THSD7B: variants seen among roughly 807,000 people sequenced by gnomAD.
THSD7B encodes thrombospondin type-1 domain-containing protein 7B.
THSD7B carries 138 observed loss-of-function variants against 213.6 expected under a neutral mutation model. That is an observed-to-expected ratio of 0.65 (90% CI 0.56 to 0.74). The LOEUF is 0.74. Among genes scored for constraint, THSD7B ranks in the 30% least tolerant of loss-of-function variants. The pLI, the probability that THSD7B is intolerant of heterozygous loss-of-function variation, is 0.00. For missense variants in THSD7B, 1,931 were observed against 1,991.5 expected (o/e 0.97, Z 0.58); for synonymous variants, 742 against 687.0 (o/e 1.08, Z -1.25).
At chr2:137,617,006 G>A (rs1167974565) in intron 18 of THSD7B, among the ~76,000 whole-genome samples, 2 of 151,492 alleles carry the variant, frequency 1.3e-5, no homozygotes, top group East Asian at 3.9e-4. Context: ...TGCCTGCAGA[G>A]GCAAAGCAAT....
chr2:137,373,093 A>G (rs1685568749), intron 12 of THSD7B, among the ~76,000 whole-genome samples: 1 of 151,850 alleles, frequency 6.6e-6, no homozygotes, highest in African/African-American at 2.4e-5. Flanking sequence ...AATCCAGTCT[A>G]TCATTGTTGG....
chr2:137,215,254 C>A (rs1681209596), intron 7 of THSD7B, among the ~76,000 whole-genome samples: 1 of 152,148 alleles, frequency 6.6e-6, no homozygotes, highest in Non-Finnish European at 1.5e-5. Context: ...TGTTCATATC[C>A]TTTGCCTACT....
intron 17 of THSD7B, among the ~76,000 whole-genome samples, chr2:137,589,533 T>C (rs1681819056): frequency 6.6e-6 from 1 of 152,222 alleles, no homozygotes; most frequent in Non-Finnish European, 1.5e-5. Context: ...TATTTTAAAT[T>C]ACACTGTTTA....
At chr2:136,928,065 G>T (rs779925113) in intron 2 of THSD7B, among the ~76,000 whole-genome samples, 1 of 152,064 alleles carries the variant, frequency 6.6e-6, no homozygotes, top group Non-Finnish European at 1.5e-5. Context: ...GATGCTCCTT[G>T]ACTTACAATG....
In THSD7B at chr2:137,588,760, CTTTATTTATTTATTTA is replaced by C. The variant is rs137892635; in HGVS notation, c.3423+16228_3423+16243del. Among the ~76,000 whole-genome samples, 96 of 147,076 alleles carry C rather than the reference CTTTATTTATTTATTTA, an allele frequency of 6.5e-4. 1 individual carries two copies. Among genetic ancestry groups the C allele is most frequent in the African/African-American group, 1.7e-3 (67 of 40,168 alleles). On this transcript the variant is annotated intron_variant, in intron 17 of 27. Transcript: ENST00000409968. ...TATTGGTATGTTGACTCATGTTGTC[CTTTATTTATTTATTTA>C]TTTATTTATTTATTTATTTATTTTT... is the stretch of plus-strand genomic sequence containing the variant.
chr2:136,775,455 T>C (rs1681582863), intron 1 of THSD7B, among the ~76,000 whole-genome samples: 1 of 152,146 alleles, frequency 6.6e-6, no homozygotes, highest in African/African-American at 2.4e-5. Context: ...GAGTAAAGGA[T>C]GTGGACATCT....
At chr2:137,109,363 T>G (rs1352566494) in intron 4 of THSD7B, among the ~76,000 whole-genome samples, 2 of 152,224 alleles carry the variant, frequency 1.3e-5, no homozygotes, top group Non-Finnish European at 2.9e-5. Context: ...ACCAGTTTTG[T>G]GGAAGATAAT....
At chr2:137,598,416 G>A (rs1239824833) in intron 17 of THSD7B, among the ~76,000 whole-genome samples, 1 of 152,122 alleles carries the variant, frequency 6.6e-6, no homozygotes, top group Non-Finnish European at 1.5e-5. Context: ...CAGCATTTAG[G>A]ACCCAGTGTA....
chr2:137,256,982 C>T (rs1682325759), intron 10 of THSD7B, among the ~76,000 whole-genome samples: 1 of 152,150 alleles, frequency 6.6e-6, no homozygotes, highest in South Asian at 2.1e-4. Context: ...GGGGAGTCTA[C>T]AGAGTCCCAA....
intron 1 of THSD7B, among the ~76,000 whole-genome samples, chr2:136,771,527 C>T (rs1681503789): frequency 6.6e-6 from 1 of 152,128 alleles, no homozygotes. Flanking sequence ...CCACAAGACT[C>T]ACACTTATTT....
intron 12 of THSD7B, among the ~76,000 whole-genome samples, chr2:137,333,082 A>G (rs1684551341): frequency 6.6e-6 from 1 of 152,160 alleles, no homozygotes; most frequent in South Asian, 2.1e-4. Flanking sequence ...TAAGTTGCCC[A>G]GAGAAATTTT....
intron 17 of THSD7B, among the ~76,000 whole-genome samples, chr2:137,610,734 T>C (rs956340295): frequency 6.6e-6 from 1 of 152,120 alleles, no homozygotes; most frequent in Non-Finnish European, 1.5e-5. Context: ...AATTAATTTG[T>C]CTGACAAGTT....
At chr2:136,919,982 A>G (rs1396366315) in intron 2 of THSD7B, among the ~76,000 whole-genome samples, 1 of 152,218 alleles carries the variant, frequency 6.6e-6, no homozygotes, top group Non-Finnish European at 1.5e-5. Context: ...AGATGTCAGG[A>G]TTGCAGAGCC....
chr2:137,488,899 G>A (rs1373224494), intron 15 of THSD7B, among the ~76,000 whole-genome samples: 1 of 152,168 alleles, frequency 6.6e-6, no homozygotes, highest in Non-Finnish European at 1.5e-5. Context: ...AAATCTATAA[G>A]TAGCATGAAG....
At position 136,931,776 on chromosome 2, in the gene THSD7B, A is replaced by T. The variant is rs1252277761; in HGVS notation, c.139+49459A>T. ...GAAAAAAGTAGACTGTATTGTGCAA[A>T]CCAAGAGGCAGTAAAAGTAAACCAG... On this transcript the variant is annotated intron_variant, in intron 2 of 27. Coordinates refer to ENST00000409968, the MANE Select transcript of THSD7B (RefSeq NM_001316349.2). Among the ~76,000 whole-genome samples the T allele has an allele frequency of 2.0e-5, 3 of 152,198 alleles. No homozygotes were observed. In the South Asian group the frequency reaches 6.2e-4, roughly 31 times the overall value.
chr2:136,918,665 C>A (rs145986562), intron 2 of THSD7B, among the ~76,000 whole-genome samples: 2 of 152,298 alleles, frequency 1.3e-5, no homozygotes, highest in African/African-American at 4.8e-5. Flanking sequence ...CTTTGTTATT[C>A]TTCTCCGTGA....
At chr2:137,547,004 CCTCA>C (rs1680753900) in intron 15 of THSD7B, among the ~76,000 whole-genome samples, 1 of 151,954 alleles carries the variant, frequency 6.6e-6, no homozygotes, top group Non-Finnish European at 1.5e-5. Flanking sequence ...TTTGTCTGTT[CCTCA>C]CTGTCTGCCT....
intron 5 of THSD7B, among the ~76,000 whole-genome samples, chr2:137,152,006 ATTT>A (rs201462563): frequency 0.19 from 25,560 of 137,492 alleles, 2,209 homozygotes; most frequent in African/African-American, 0.27. Context: ...AGCTACCTTA[ATTT>A]TTTTTTTTTT....
At chr2:137,366,003 A>G (rs568141895) in intron 12 of THSD7B, among the ~76,000 whole-genome samples, 3 of 152,354 alleles carry the variant, frequency 2.0e-5, no homozygotes, top group East Asian at 3.9e-4. Flanking sequence ...AATGTCCATC[A>G]GTGGTAGACT....
Sources: allele counts gnomAD v4.1 joint callset (sites outside exome capture counted in the v4.1 genomes callset), GRCh38; gene constraint gnomAD v4.1.1; transcripts MANE v1.5; gene names NCBI Gene and HGNC (gene_info 2026-07-23, HGNC 2026-07-21).